Variants in GSE1 observed in about 807,000 individuals in gnomAD.
GSE1 encodes genetic suppressor element 1.
Under a neutral mutation model 112.6 loss-of-function variants are expected in GSE1, and 32 were observed. The observed-to-expected ratio is 0.28, with a 90% CI of 0.21 to 0.38. The LOEUF (loss-of-function observed/expected upper bound fraction) is 0.38, where lower values mean the gene tolerates loss of function less well. Ranked by LOEUF, GSE1 falls within the 10% of genes least tolerant of loss-of-function variation. The pLI is 1.00. For synonymous variants in GSE1, 1,115 were observed against 735.6 expected, an observed-to-expected ratio of 1.52 and a Z score of -8.35; for missense variants, 2,348 against 1,699.2, an observed-to-expected ratio of 1.38 and a Z score of -6.71.
At chr16:85,394,166 C>T (rs1042555416) in intron 2 of GSE1, among the ~76,000 whole-genome samples, 4 of 151,350 alleles carry the variant, frequency 2.6e-5, no homozygotes, top group African/African-American at 9.7e-5. Flanking sequence ...TGACGAAAAA[C>T]ACAAACATCT....
chr16:85,169,856 G>A (rs2143097687), exon 1 of GSE1: 1 of 984,468 alleles, frequency 1.0e-6, no homozygotes, highest in Non-Finnish European at 1.2e-6. Flanking sequence ...GTGGACAAGC[G>A]CATGTACTGG....
chr16:85,437,456 G>A (rs1030637174), intron 2 of GSE1, among the ~76,000 whole-genome samples: 2 of 152,108 alleles, frequency 1.3e-5, no homozygotes, highest in African/African-American at 4.8e-5. Flanking sequence ...GTGCCTGGGA[G>A]GAGAAATAAG....
At chr16:85,582,815 G>A (rs538609974) in intron 1 of GSE1, among the ~76,000 whole-genome samples, 1 of 152,312 alleles carries the variant, frequency 6.6e-6, no homozygotes, top group African/African-American at 2.4e-5. Flanking sequence ...CGGCCGCCTT[G>A]TCATTTAGCT....
chr16:85,639,987 G>T (rs946734247), intron 2 of GSE1, among the ~76,000 whole-genome samples: 1 of 152,202 alleles, frequency 6.6e-6, no homozygotes, highest in South Asian at 2.1e-4. Flanking sequence ...GGGGGCGATC[G>T]TGCTGCGGGC....
intron 2 of GSE1, chr16:85,359,296 C>T (rs1006776569): frequency 1.6e-5 from 7 of 436,800 alleles, no homozygotes; most frequent in Non-Finnish European, 2.8e-5. Flanking sequence ...TGGAGGGCTC[C>T]GAGGAGGAGG....
chr16:85,487,673 C>T (rs775439680), intron 2 of GSE1, among the ~76,000 whole-genome samples: 4 of 151,982 alleles, frequency 2.6e-5, no homozygotes, highest in African/African-American at 7.3e-5. Flanking sequence ...ACCTTGATGG[C>T]GACCCCAGAA....
chr16:85,246,390 C>CA (rs1567636182), intron 1 of GSE1, among the ~76,000 whole-genome samples: 3 of 117,668 alleles, frequency 2.5e-5, no homozygotes, highest in Non-Finnish European at 3.5e-5. Context: ...TACACACACA[C>CA]CCCACACGCT....
chr16:85,615,455 A>G (rs2048315824), intron 1 of GSE1, among the ~76,000 whole-genome samples: 1 of 152,094 alleles, frequency 6.6e-6, no homozygotes, highest in African/African-American at 2.4e-5. Flanking sequence ...AGCAGACACC[A>G]AAGTCAGGAG....
chr16:85,613,340 G>C lies in GSE1; in HGVS notation c.-52G>C. 1 of 1,560,692 alleles carries C rather than the reference G, an allele frequency of 6.4e-7. No individual in the cohort carries two copies. Among genetic ancestry groups the C allele is most frequent in the South Asian group, 1.2e-5 (1 of 84,850 alleles). On this transcript the variant is annotated 5_prime_UTR_variant, in exon 1 of 16. Coordinates refer to ENST00000253458, the MANE Select transcript of GSE1 (RefSeq NM_014615.5). ...GATAAGCAGTTTAGACAAACACTGG[G>C]CGACGGTGGCTCCAGCATGTATCAG...
chr16:85,346,172 G>A (rs1359745528), intron 1 of GSE1, among the ~76,000 whole-genome samples: 28 of 148,630 alleles, frequency 1.9e-4, no homozygotes, highest in African/African-American at 5.7e-4. Context: ...GCGGGTGGGT[G>A]GATGAATGGA....
chr16:85,422,196 A>G (rs2048861227), intron 2 of GSE1, among the ~76,000 whole-genome samples: 1 of 151,712 alleles, frequency 6.6e-6, no homozygotes. Context: ...GGCTGCAGCC[A>G]CAGCTTCTTC....
At chr16:85,180,308 G>A (rs1323828804) in intron 1 of GSE1, among the ~76,000 whole-genome samples, 1 of 152,252 alleles carries the variant, frequency 6.6e-6, no homozygotes, top group African/African-American at 2.4e-5. Context: ...TCCACTTGGC[G>A]AGAGTGGGCT....
intron 1 of GSE1, among the ~76,000 whole-genome samples, chr16:85,624,178 G>A (rs1419494107): frequency 6.6e-6 from 1 of 152,196 alleles, no homozygotes; most frequent in Non-Finnish European, 1.5e-5. Context: ...CTCAGTGCCC[G>A]CCCTGGGGTG....
chr16:85,412,827 C>G (rs181225429), intron 2 of GSE1, among the ~76,000 whole-genome samples: 10 of 152,366 alleles, frequency 6.6e-5, no homozygotes, highest in Admixed American at 4.6e-4. Flanking sequence ...TGCAAACACC[C>G]TTACCTTTTT....
At position 85,632,670 on chromosome 16, in the gene GSE1, TG is replaced by T. The variant is rs1328818957; in HGVS notation, c.8-1239del. 2.6e-5 allele frequency among the ~76,000 whole-genome samples: 4 copies of T among 152,190 alleles called. No homozygotes were observed. The South Asian group carries it at 6.2e-4, about 24-fold the overall frequency. On this transcript the variant is annotated intron_variant, in intron 1 of 15. Coordinates refer to ENST00000253458, the MANE Select transcript of GSE1 (RefSeq NM_014615.5). ...GGGCAGCCTCTTCCGGGGAGGAACC[TG>T]GGGGCCCCCTTGCCCTTACCCCATA...
chr16:85,442,007 C>A (rs892637328), intron 2 of GSE1, among the ~76,000 whole-genome samples: 1 of 152,252 alleles, frequency 6.6e-6, no homozygotes, highest in East Asian at 1.9e-4. Context: ...CCAGCTTCAT[C>A]TCCACCTCCA....
At chr16:85,229,228 G>T (rs1016638077) in intron 1 of GSE1, among the ~76,000 whole-genome samples, 6 of 152,248 alleles carry the variant, frequency 3.9e-5, no homozygotes, top group Non-Finnish European at 8.8e-5. Context: ...CGGGTAGGGG[G>T]GTGGCAGCCA....
chr16:85,375,223 C>T (rs1389528174), intron 2 of GSE1, among the ~76,000 whole-genome samples: 4 of 152,182 alleles, frequency 2.6e-5, no homozygotes, highest in African/African-American at 9.7e-5. Flanking sequence ...ATTACTAATC[C>T]CCTTGCCTGG....
intron 2 of GSE1, among the ~76,000 whole-genome samples, chr16:85,505,200 G>A (rs981797903): frequency 6.6e-6 from 1 of 152,156 alleles, no homozygotes; most frequent in Admixed American, 6.5e-5. Context: ...GGTGCCCCAA[G>A]AGCAGGGTGA....
Sources: gnomAD v4.1 joint callset for allele counts (sites outside exome capture counted in the v4.1 genomes callset) on GRCh38, gnomAD v4.1.1 for gene constraint, MANE v1.5 for transcripts, NCBI Gene and HGNC (gene_info 2026-07-23, HGNC 2026-07-21) for gene names.